LSM12: variants seen among roughly 807,000 people sequenced by gnomAD.
LSM12 encodes the protein LSM12 homolog, also known as protein LSM12.
For missense variants in LSM12, 108 were observed against 238.9 expected (o/e 0.45, Z 3.61); for synonymous variants, 74 against 87.3 (o/e 0.85, Z 0.85).
Position 44,041,334 on chromosome 17 carries a change from A to ACAAACACAC in LSM12, c.259-1079_259-1078insGTGTGTTTG, listed in dbSNP as rs2049491143. ...ACACACACACACACACACACACACA[A>ACAAACACAC]ACACACACACACACACAGAATTTCC... On this transcript the variant is annotated intron_variant, in intron 2 of 4. Transcript: ENST00000293406. Among the ~76,000 whole-genome samples, 94 of 104,570 alleles carry ACAAACACAC rather than the reference A, an allele frequency of 9.0e-4. 1 individual carries two copies. Among genetic ancestry groups the ACAAACACAC allele is most frequent in the South Asian group, 1.0e-3 (3 of 2,944 alleles). The allele number at this position is 104,570 out of a possible 152,430, so 68.6% of individuals were successfully genotyped here.
chr17:44,037,833 T>A (rs536341876), intron 3 of LSM12, among the ~76,000 whole-genome samples: 1 of 152,314 alleles, frequency 6.6e-6, no homozygotes, highest in East Asian at 1.9e-4. Context: ...GAATCCAAAT[T>A]AAGATAGCAG....
intron 2 of LSM12, among the ~76,000 whole-genome samples, chr17:44,046,372 T>G (rs904120761): frequency 6.6e-6 from 1 of 152,058 alleles, no homozygotes; most frequent in African/African-American, 2.4e-5. Context: ...TATGTTTAAT[T>G]TTTAAAGTAA....
intron 1 of LSM12, among the ~76,000 whole-genome samples, 200 bp downstream of exon 1, chr17:44,066,264 G>A (rs549337786): frequency 6.6e-6 from 1 of 152,186 alleles, no homozygotes; most frequent in Non-Finnish European, 1.5e-5. Context: ...CAAAGAGAGA[G>A]AGACAGGATC....
intron 1 of LSM12, among the ~76,000 whole-genome samples, chr17:44,065,860 C>G (rs2049866517): frequency 6.6e-6 from 1 of 152,048 alleles, no homozygotes; most frequent in Non-Finnish European, 1.5e-5. Context: ...AAAATCAGCA[C>G]AGCCCCCCCA....
At chr17:44,052,260 CA>C (rs941955711) in intron 2 of LSM12, among the ~76,000 whole-genome samples, 15 of 139,444 alleles carry the variant, frequency 1.1e-4, no homozygotes, top group Non-Finnish European at 1.1e-4. Context: ...AAACAAACAA[CA>C]AAAAAAAAAC....
chr17:44,057,428 G>A (rs998816511), intron 2 of LSM12, among the ~76,000 whole-genome samples: 2 of 150,460 alleles, frequency 1.3e-5, no homozygotes, highest in Non-Finnish European at 3.0e-5. Context: ...GACTACAGGC[G>A]TGAGCCACCG....
intron 2 of LSM12, among the ~76,000 whole-genome samples, chr17:44,058,560 C>T (rs1329459541): frequency 2.0e-5 from 3 of 152,034 alleles, no homozygotes; most frequent in South Asian, 2.1e-4. Flanking sequence ...AGGCTGGGCG[C>T]GGTGGCTCAC....
In LSM12 at chr17:44,036,997, G is replaced by A. The variant is rs540569022; in HGVS notation, c.495+415C>T. The A allele has an allele frequency of 1.2e-3, 186 of 154,500 alleles. 1 individual carries two copies. Among genetic ancestry groups the A allele is most frequent in the Non-Finnish European group, 2.0e-3 (137 of 69,666 alleles). The allele number at this position is 154,500 out of a possible 1,614,324, so 9.6% of individuals were successfully genotyped here. A position where few individuals can be genotyped will look rare whatever the true frequency, so the allele number is the denominator to read the frequency against. On this transcript the variant is annotated intron_variant, in intron 4 of 4. Coordinates refer to ENST00000293406, the MANE Select transcript of LSM12 (RefSeq NM_001371445.1). ...CATACGCCTGTAGTCCCAGGTACTC[G>A]GGAGGCTGAGGCAGGAGAATCGCTT... is the stretch of plus-strand genomic sequence containing the variant.
At chr17:44,041,743 C>T (rs2049497615) in intron 2 of LSM12, among the ~76,000 whole-genome samples, 1 of 152,174 alleles carries the variant, frequency 6.6e-6, no homozygotes, top group Non-Finnish European at 1.5e-5. Flanking sequence ...ATTTCTGATC[C>T]CTACCCCACA....
chr17:44,055,507 C>CAAAAAAAA (rs893366294), intron 2 of LSM12, among the ~76,000 whole-genome samples: 4 of 65,028 alleles, frequency 6.2e-5, no homozygotes, highest in African/African-American at 1.5e-4. Flanking sequence ...ACCAAAAATA[C>CAAAAAAAA]AAAAAAAAAA....
At chr17:44,054,780 C>T (rs891023730) in intron 2 of LSM12, among the ~76,000 whole-genome samples, 1 of 152,032 alleles carries the variant, frequency 6.6e-6, no homozygotes, top group African/African-American at 2.4e-5. Context: ...AAGCCAGGTG[C>T]AAGTTTTACC....
chr17:44,063,457 C>A (rs1052504703), intron 2 of LSM12, among the ~76,000 whole-genome samples: 3 of 152,002 alleles, frequency 2.0e-5, no homozygotes, highest in African/African-American at 7.3e-5. Flanking sequence ...CGTATGCACA[C>A]ATCCACATAT....
At chr17:44,060,034 G>A (rs1169075410) in intron 2 of LSM12, among the ~76,000 whole-genome samples, 3 of 151,988 alleles carry the variant, frequency 2.0e-5, no homozygotes, top group African/African-American at 7.3e-5. Flanking sequence ...ACATGGTGGC[G>A]GGCGCCTGTA....
intron 1 of LSM12, 63 bp downstream of exon 1, chr17:44,066,401 C>T: frequency 6.7e-7 from 1 of 1,481,752 alleles, no homozygotes; most frequent in South Asian, 1.3e-5. Flanking sequence ...CCGTCGTCCC[C>T]CACCCCCCGA....
intron 2 of LSM12, among the ~76,000 whole-genome samples, chr17:44,062,992 C>T (rs1203377123): frequency 6.6e-6 from 1 of 152,020 alleles, no homozygotes; most frequent in Non-Finnish European, 1.5e-5. Flanking sequence ...ATCACTTAAC[C>T]TGGGAGGCGG....
intron 2 of LSM12, among the ~76,000 whole-genome samples, chr17:44,046,517 C>T (rs1021310627): frequency 6.6e-6 from 1 of 150,658 alleles, no homozygotes; most frequent in Admixed American, 6.6e-5. Flanking sequence ...ACCATCCTGG[C>T]TAACACGGTG....
At chr17:44,058,990 G>C (rs560862848) in intron 2 of LSM12, among the ~76,000 whole-genome samples, 8 of 152,098 alleles carry the variant, frequency 5.3e-5, no homozygotes, top group East Asian at 1.9e-4. Flanking sequence ...GGCACAGTGC[G>C]AGACTAACTA....
intron 3 of LSM12, 37 bp downstream of exon 3, chr17:44,040,110 T>C: frequency 6.6e-7 from 1 of 1,510,586 alleles, no homozygotes; most frequent in South Asian, 1.1e-5. Flanking sequence ...CAGGTAGCAT[T>C]ACCCCAGGAC....
chr17:44,046,613 A>G (rs1045120408), intron 2 of LSM12, among the ~76,000 whole-genome samples: 181 of 146,528 alleles, frequency 1.2e-3, no homozygotes, highest in African/African-American at 4.3e-3. Flanking sequence ...AGGCTGAGGC[A>G]GGAGAAAGGC....
Sources: allele counts gnomAD v4.1 joint callset (sites outside exome capture counted in the v4.1 genomes callset), GRCh38; gene constraint gnomAD v4.1.1; transcripts MANE v1.5; gene names NCBI Gene and HGNC (gene_info 2026-07-23, HGNC 2026-07-21).